The following MICAL2 variants were observed in gnomAD, a reference collection of about 807,000 sequenced individuals.
MICAL2 encodes the protein microtubule associated monooxygenase, calponin and LIM domain containing 2.
MICAL2 carries 77 observed loss-of-function variants against 127.3 expected under a neutral mutation model. The observed-to-expected ratio is 0.60, with a 90% CI of 0.50 to 0.73. The LOEUF (loss-of-function observed/expected upper bound fraction) is 0.73, where lower values mean the gene tolerates loss of function less well. MICAL2 is among the 30% of genes least tolerant of loss of function. The pLI is 0.00. For synonymous variants in MICAL2, 570 were observed against 551.1 expected (o/e 1.03, Z -0.48); for missense variants, 1,351 against 1,434.4 (o/e 0.94, Z 0.94).
rs977306374 is a variant in MICAL2, at chr11:12,152,701, G to A, written c.-77-9378G>A. Reference sequence around the variant, plus strand: ...GGCTGAGCTTTGGTGGGCTTCCTGCGGTCAAATGAGATTTGGAAAGAATGA... The same window carrying A: ...GGCTGAGCTTTGGTGGGCTTCCTGCAGTCAAATGAGATTTGGAAAGAATGA... On this transcript the variant is annotated intron_variant, in intron 2 of 27. Coordinates refer to ENST00000683283, the MANE Select transcript of MICAL2 (RefSeq NM_001282663.2). Among the ~76,000 whole-genome samples, 6 of 152,154 alleles carry A rather than the reference G, an allele frequency of 3.9e-5. No homozygotes were observed. The East Asian group carries it at 5.8e-4, about 15-fold the overall frequency.
intron 15 of MICAL2, among the ~76,000 whole-genome samples, chr11:12,227,610 A>G (rs959778222): frequency 1.3e-5 from 2 of 152,196 alleles, no homozygotes; most frequent in African/African-American, 4.8e-5. Context: ...CTTCAGGGCT[A>G]TATTTTTTGT....
chr11:12,237,430 G>C (rs538800127), intron 16 of MICAL2, among the ~76,000 whole-genome samples: 2 of 152,318 alleles, frequency 1.3e-5, no homozygotes, highest in South Asian at 4.1e-4. Context: ...CCATTTCCCA[G>C]ATTACGGGTG....
At chr11:12,255,872 G>C (rs1347909212) in intron 23 of MICAL2, 122 bp downstream of exon 23, 4 of 717,924 alleles carry the variant, frequency 5.6e-6, no homozygotes, top group South Asian at 3.7e-5. Context: ...TGGAACAAGA[G>C]GGGGCTGAGA....
At chr11:12,253,249 A>G (rs929219417) in intron 22 of MICAL2, 17 of 152,166 alleles carry the variant, frequency 1.1e-4, no homozygotes, top group African/African-American at 3.9e-4. Flanking sequence ...GAGCACAGGC[A>G]CCCACAACCT....
chr11:12,306,505 G>A (rs368880198), intron 29 of MICAL2, among the ~76,000 whole-genome samples: 56 of 152,196 alleles, frequency 3.7e-4, no homozygotes, highest in African/African-American at 1.3e-3. Flanking sequence ...TTTAAAATGT[G>A]CAGTTCCATG....
At chr11:12,148,285 GA>G (rs1853174229) in intron 2 of MICAL2, among the ~76,000 whole-genome samples, 1 of 152,168 alleles carries the variant, frequency 6.6e-6, no homozygotes, top group Non-Finnish European at 1.5e-5. Context: ...CGAGGTTTGA[GA>G]AGTAAGACAG....
chr11:12,222,979 T>A (rs1857000050), intron 11 of MICAL2, among the ~76,000 whole-genome samples: 1 of 152,150 alleles, frequency 6.6e-6, no homozygotes, highest in Non-Finnish European at 1.5e-5. Context: ...GTGCATATAT[T>A]TATATATATT....
intron 34 of MICAL2, among the ~76,000 whole-genome samples, chr11:12,355,837 G>C: frequency 6.6e-6 from 1 of 152,142 alleles, no homozygotes; most frequent in East Asian, 1.9e-4. Context: ...TATAGCAACA[G>C]AATTCTAACA....
chr11:12,137,247 C>A (rs1851916919), intron 1 of MICAL2, among the ~76,000 whole-genome samples: 1 of 151,850 alleles, frequency 6.6e-6, no homozygotes, highest in East Asian at 2.0e-4. Flanking sequence ...GGTGGCCGCC[C>A]TTGGAGCTCG....
At chr11:12,147,045 T>C (rs7116185) in intron 2 of MICAL2, among the ~76,000 whole-genome samples, 149,897 of 151,638 alleles carry the variant, frequency 0.99, 74,106 homozygotes, top group Middle Eastern at 1. Context: ...GAACATCACA[T>C]ACCGGGGCCT....
intron 3 of MICAL2, among the ~76,000 whole-genome samples, chr11:12,164,572 GC>G (rs1435270131): frequency 6.6e-6 from 1 of 152,156 alleles, no homozygotes; most frequent in Non-Finnish European, 1.5e-5. Context: ...TTGGCTCCAT[GC>G]TTCCCTCCTG....
At chr11:12,136,923 T>C (rs930032263) in intron 1 of MICAL2, among the ~76,000 whole-genome samples, 3 of 152,138 alleles carry the variant, frequency 2.0e-5, no homozygotes. Context: ...GGGACTTCTG[T>C]TCCTGAGATC....
intron 29 of MICAL2, among the ~76,000 whole-genome samples, chr11:12,298,402 T>A (rs1490549936): frequency 4.6e-5 from 7 of 152,114 alleles, no homozygotes; most frequent in Non-Finnish European, 1.0e-4. Context: ...TTCCCCTGAG[T>A]TCCCCCCATA....
intron 33 of MICAL2, among the ~76,000 whole-genome samples, chr11:12,352,051 G>A (rs1939059230): frequency 1.3e-5 from 2 of 152,096 alleles, no homozygotes; most frequent in Admixed American, 6.6e-5. Flanking sequence ...GCCTCCCAAA[G>A]TGCTGGAATT....
chr11:12,263,849 TA>T (rs1246694186), downstream of MICAL2: 1 of 152,700 alleles, frequency 6.5e-6, no homozygotes, highest in East Asian at 1.9e-4. Context: ...GGGATTGGTG[TA>T]GGGGGTTCAT....
At position 12,220,318 on chromosome 11, in the gene MICAL2, T is replaced by A; in HGVS notation, c.1066T>A (p.Phe356Ile). The A allele has an allele frequency of 6.2e-7, 1 of 1,614,224 alleles. No homozygotes were observed. Among genetic ancestry groups the A allele is most frequent in the Non-Finnish European group, 8.5e-7 (1 of 1,180,030 alleles). ...ATNYQLPSLDFAMNHYGQPDV... is the reference protein window; with the variant it reads ...ATNYQLPSLDIAMNHYGQPDV... ...CAACTACCAGCTGCCATCCTTAGACTTTGCCATGAACCACTATGGGCAGCC... is the reference window on the plus strand; with the variant it reads ...CAACTACCAGCTGCCATCCTTAGACATTGCCATGAACCACTATGGGCAGCC... Residue 356 changes from phenylalanine to isoleucine, a missense_variant, in exon 9 of 28, where the codon TTT (phenylalanine) becomes ATT (isoleucine). Around this residue, in one of 2 missense-constraint regions of MICAL2, gnomAD observed 599 missense variants for 714.9 expected, o/e 0.84. Coordinates refer to ENST00000683283, the MANE Select transcript of MICAL2 (RefSeq NM_001282663.2).
In MICAL2 at chr11:12,330,900, AGTGT is replaced by A. The variant is rs200754218; in HGVS notation, c.5515+3663_5515+3666del. 7.8e-3 allele frequency among the ~76,000 whole-genome samples: 935 copies of A among 119,424 alleles called. 12 individuals are homozygous for A. Among genetic ancestry groups the A allele is most frequent in the African/African-American group, 0.024 (789 of 32,852 alleles). 78.3% of individuals were successfully genotyped at this position (119,424 alleles called of 152,430 possible). ...GAGAGAGACAGAGAGAGAGAGAGAG[AGTGT>A]GTGTGTGTGTGTGTGTGTGTGTGTG... On this transcript the variant is annotated intron_variant, in intron 32 of 34. Transcript: ENST00000646065.
At chr11:12,130,783 C>G (rs1851349626) in intron 1 of MICAL2, among the ~76,000 whole-genome samples, 1 of 151,792 alleles carries the variant, frequency 6.6e-6, no homozygotes, top group Admixed American at 6.6e-5. Context: ...TCCTGGCACC[C>G]CAGCACTTGG....
chr11:12,162,655 G>C (rs1212724669), intron 3 of MICAL2, among the ~76,000 whole-genome samples: 1 of 152,228 alleles, frequency 6.6e-6, no homozygotes, highest in Non-Finnish European at 1.5e-5. Flanking sequence ...AGTTGAGGGA[G>C]AGAAGCCCAT....
Sources: gnomAD v4.1 joint callset for allele counts (sites outside exome capture counted in the v4.1 genomes callset) on GRCh38, gnomAD v4.1.1 for gene constraint, gnomAD v4.1.1 regional missense constraint, MANE v1.5 for transcripts, NCBI Gene and HGNC (gene_info 2026-07-23, HGNC 2026-07-21) for gene names.